NCAPG2: variants seen among roughly 807,000 people sequenced by gnomAD.
The protein encoded by NCAPG2 is non-SMC condensin II complex subunit G2.
In NCAPG2, 53 loss-of-function variants were observed where a neutral mutation model predicts 141.1. The ratio of observed to expected loss-of-function variants is 0.38; its 90% CI spans 0.30 to 0.47. The LOEUF is 0.47. NCAPG2 is among the 20% of genes least tolerant of loss of function. The pLI is 0.99. For synonymous variants in NCAPG2, 499 were observed against 490.7 expected (o/e 1.02, Z -0.22); for missense variants, 1,087 against 1,389.0 (o/e 0.78, Z 3.46).
chr7:158,649,399 A>G (rs1038282181), intron 24 of NCAPG2, among the ~76,000 whole-genome samples: 4 of 152,238 alleles, frequency 2.6e-5, no homozygotes, highest in African/African-American at 7.2e-5. Flanking sequence ...GGTCTCTGTC[A>G]TAATTACTCA....
At chr7:158,644,577 G>A (rs768693494) in intron 26 of NCAPG2, among the ~76,000 whole-genome samples, 189 bp from the exon 27 acceptor site, 9 of 152,256 alleles carry the variant, frequency 5.9e-5, no homozygotes, top group Admixed American at 2.6e-4. Context: ...TCAAACAAAC[G>A]TTTACTGGGA....
At chr7:158,638,325 G>A (rs999083194) in intron 27 of NCAPG2, among the ~76,000 whole-genome samples, 2 of 152,158 alleles carry the variant, frequency 1.3e-5, no homozygotes, top group African/African-American at 4.8e-5. Context: ...TCAACCCACT[G>A]CAACCTCCAC....
intron 27 of NCAPG2, among the ~76,000 whole-genome samples, chr7:158,637,094 C>T (rs370947648): frequency 6.6e-6 from 1 of 151,882 alleles, no homozygotes; most frequent in Non-Finnish European, 1.5e-5. Context: ...ACTACAGGCG[C>T]CCGCCACCAT....
At position 158,701,819 on chromosome 7, in the gene NCAPG2, T is replaced by C; in HGVS notation, c.78+3A>G. On this transcript the variant is annotated splice_donor_region_variant and intron_variant, in intron 2 of 27. Transcript: ENST00000356309. ...CACAACAAAACTAAAACATGAAACT[T>C]ACATCAAGTTGAACAAATTGCAAAA... is the stretch of plus-strand genomic sequence containing the variant. The C allele has an allele frequency of 6.2e-7, 1 of 1,611,128 alleles. No homozygotes were observed. The highest frequency in any genetic ancestry group is 8.5e-7 in the Non-Finnish European group (1 of 1,177,990).
At position 158,690,003 on chromosome 7, in the gene NCAPG2, C is replaced by A; in HGVS notation, c.538-50G>T. 8 of 1,365,134 alleles carry A rather than the reference C, an allele frequency of 5.9e-6. No homozygotes were observed. In the South Asian group the frequency reaches 7.6e-5, roughly 13 times the overall value. 84.6% of individuals were successfully genotyped at this position (1,365,134 alleles called of 1,614,324 possible). The stretch of plus-strand genomic sequence containing the variant: ...TACCTTTTTCAATGAACAGTAAAGT[C>A]ATATTTCAAATCAAGTATATTTTAT... On this transcript the variant is annotated intron_variant, in intron 5 of 27. Coordinates refer to ENST00000356309, the MANE Select transcript of NCAPG2 (RefSeq NM_017760.7).
At chr7:158,655,591 C>CTG (rs1278790078) in intron 19 of NCAPG2, 136 bp from the exon 20 acceptor site, 2 of 664,948 alleles carry the variant, frequency 3.0e-6, no homozygotes, top group Non-Finnish European at 5.1e-6. Flanking sequence ...CCAGTGTCTG[C>CTG]TGACTCTGCA....
rs759123128 is a variant in NCAPG2, at chr7:158,655,416, G to C, written c.2428C>G (p.Pro810Ala). ...GCAGCTGCTTCACTGAAGCCACGAG[G>C]CTTCCCACCCGGTGTCTGCAGAAGT... The part of the protein sequence containing the change: ...ESLLQTPGGK[P>A]RGFSEAAAPR... The change falls in exon 20 of 28, where the codon CCT (proline) becomes GCT (alanine). Residue 810 changes from proline (P) to alanine (A), a missense_variant. By Grantham distance (27) the Pro-to-Ala change is conservative (BLOSUM62 -1). Transcript: ENST00000356309. 2 of 1,614,004 alleles carry C rather than the reference G, an allele frequency of 1.2e-6. No homozygotes were observed. The highest frequency in any genetic ancestry group is 1.7e-6 in the Non-Finnish European group (2 of 1,180,040).
At chr7:158,679,768 G>T (rs750432744) in intron 11 of NCAPG2, among the ~76,000 whole-genome samples, 192 bp downstream of exon 11, 3 of 152,208 alleles carry the variant, frequency 2.0e-5, no homozygotes, top group Non-Finnish European at 4.4e-5. Context: ...AGACACCACA[G>T]GTCCACGCTG....
intron 7 of NCAPG2, among the ~76,000 whole-genome samples, chr7:158,686,465 G>A (rs1314925699): frequency 5.3e-5 from 8 of 152,168 alleles, no homozygotes; most frequent in Non-Finnish European, 1.0e-4. Flanking sequence ...ATCCTTCTCA[G>A]TCAAGGCTTA....
rs61745702 is a variant in NCAPG2, at chr7:158,656,391, G to A, written c.2257C>T (p.Arg753Cys). The A allele has an allele frequency of 9.6e-4, 1,547 of 1,614,196 alleles. 9 individuals carry two copies. In the African/African-American group the frequency reaches 0.015, roughly 16 times the overall value. ...SKGRVQIHDT[R>C]PVKPELALVY... ...AATGCCAATTCAGGTTTGACTGGGC[G>A]TGTGTCATGGATCTGCACCCTACCT... Residue 753 changes from arginine (R) to cysteine (C), a missense_variant, in exon 19 of 28, where the codon CGC (arginine) becomes TGC (cysteine). Arg to Cys is a radical substitution (Grantham distance 180). Coordinates refer to ENST00000356309, the MANE Select transcript of NCAPG2 (RefSeq NM_017760.7).
chr7:158,658,297 G>C (rs779471485), intron 17 of NCAPG2, 41 bp downstream of exon 17: 1 of 1,545,236 alleles, frequency 6.5e-7, no homozygotes, highest in South Asian at 1.2e-5. Context: ...CAATGGACAG[G>C]ATTCCTACTT....
chr7:158,680,859 T>C lies in NCAPG2; in HGVS notation c.925-43A>G, dbSNP rs556351454. On this transcript the variant is annotated intron_variant, in intron 9 of 27. Transcript: ENST00000356309. ...GAAAAGGAAGGCATTAACAAAAAAATAAATAAATAAAATAAAATGGCATTT... is the reference window on the plus strand; with the variant it reads ...GAAAAGGAAGGCATTAACAAAAAAACAAATAAATAAAATAAAATGGCATTT... 6.5e-6 allele frequency: 9 copies of C among 1,382,482 alleles called. No homozygotes were observed. The East Asian group carries it at 2.1e-4, about 33-fold the overall frequency. 85.6% of individuals were successfully genotyped at this position (1,382,482 alleles called of 1,614,324 possible).
intron 27 of NCAPG2, among the ~76,000 whole-genome samples, chr7:158,632,932 C>T (rs1829980453): frequency 6.6e-6 from 1 of 152,218 alleles, no homozygotes; most frequent in South Asian, 2.1e-4. Context: ...ATGAGGGCCA[C>T]ACTCAGCTTA....
chr7:158,701,769 A>T, intron 2 of NCAPG2, 53 bp downstream of exon 2: 4 of 1,447,216 alleles, frequency 2.8e-6, no homozygotes, highest in Non-Finnish European at 3.9e-6. Flanking sequence ...ACTTTAGAAC[A>T]TATTTCATAT....
rs2129459530 is a variant in NCAPG2 at position 158,658,346 on chromosome 7, G to A, written c.2052C>T (p.Pro684=). ...AAAAACAGAGCAAATACCTGAATGG[G>A]GGGACAGCAGAGGCCGGCATAAAGG... is the stretch of plus-strand genomic sequence containing the variant. ...LMSFMPASAV[P]PFSCGVISTL... is the part of the protein sequence containing the mutation. Residue 684 remains proline (P), a synonymous_variant, in exon 17 of 28, where the codon CCC becomes CCT. Coordinates refer to ENST00000356309, the MANE Select transcript of NCAPG2 (RefSeq NM_017760.7). 6.2e-6 allele frequency: 10 copies of A among 1,610,738 alleles called. No homozygotes were observed. Among genetic ancestry groups the A allele is most frequent in the Non-Finnish European group, 8.5e-6 (10 of 1,178,290 alleles).
intron 5 of NCAPG2, 86 bp downstream of exon 5, chr7:158,690,482 C>A (rs1835047045): frequency 7.5e-7 from 1 of 1,327,586 alleles, no homozygotes; most frequent in East Asian, 2.3e-5. Context: ...GAGTTTGAGG[C>A]TGCAGTGAGC....
intron 27 of NCAPG2, chr7:158,640,058 A>C (rs1206892287): frequency 6.4e-6 from 1 of 155,396 alleles, no homozygotes; most frequent in Non-Finnish European, 1.4e-5. Context: ...ATGCCAAAAA[A>C]AAAAAAAAAA....
intron 13 of NCAPG2, chr7:158,667,289 TGTG>T (rs1833055653): frequency 1.1e-6 from 1 of 879,250 alleles, no homozygotes; most frequent in Non-Finnish European, 1.4e-6. Flanking sequence ...TCAGAGACCC[TGTG>T]TCCCTCCTCC....
chr7:158,652,432 A>G lies in NCAPG2; in HGVS notation c.2795T>C (p.Ile932Thr). ...VSLLLDILKE[I>T]TGSSLIQKTD... The stretch of plus-strand genomic sequence containing the variant: ...TTTCTGAATCAAGGAACTTCCAGTT[A>G]TCTCTTTCAGAATGTCAAGAAGTAA... The change falls in exon 23 of 28, where the codon ATA becomes ACA. Residue 932 changes from isoleucine to threonine, a missense_variant. Ile to Thr is a moderately conservative substitution (Grantham distance 89). Transcript: ENST00000356309. The G allele has an allele frequency of 1.9e-6, 3 of 1,613,148 alleles. No individual in the cohort carries two copies. In the East Asian group the frequency reaches 6.7e-5, roughly 36 times the overall value.
Sources: gnomAD v4.1 joint callset for allele counts (sites outside exome capture counted in the v4.1 genomes callset) on GRCh38, gnomAD v4.1.1 for gene constraint, MANE v1.5 for transcripts, NCBI Gene and HGNC (gene_info 2026-07-23, HGNC 2026-07-21) for gene names.